Variants in CDK13 observed in about 807,000 individuals in gnomAD.
CDK13 encodes the protein cyclin dependent kinase 13.
In CDK13, 40 loss-of-function variants were observed where a neutral mutation model predicts 137.6. That is an observed-to-expected ratio of 0.29 (90% CI 0.23 to 0.38). CDK13 has a LOEUF of 0.38. Ranked by LOEUF, CDK13 falls within the 10% of genes least tolerant of loss-of-function variation. CDK13 has a pLI of 1.00. For synonymous variants in CDK13, 869 were observed against 760.1 expected (o/e 1.14, Z -2.36); for missense variants, 1,704 against 1,951.8 (o/e 0.87, Z 2.39).
At chr7:40,054,234 T>C (rs1562751661) in intron 7 of CDK13, among the ~76,000 whole-genome samples, 1 of 152,214 alleles carries the variant, frequency 6.6e-6, no homozygotes, top group Non-Finnish European at 1.5e-5. Flanking sequence ...GTAGGTTTAA[T>C]CTTCCAGCAG....
chr7:39,987,155 A>AGACTCTACTTATTGCCC (rs1784358086), intron 1 of CDK13: 1 of 153,022 alleles, frequency 6.5e-6, no homozygotes, highest in Non-Finnish European at 1.5e-5. Flanking sequence ...GCCCAGTAGT[A>AGACTCTACTTATTGCCC]AGTCTTGTCT....
intron 5 of CDK13, among the ~76,000 whole-genome samples, chr7:40,011,050 T>C (rs193279431): frequency 2.6e-5 from 4 of 152,302 alleles, no homozygotes; most frequent in Middle Eastern, 3.4e-3. Flanking sequence ...AATTCAGTAT[T>C]ATTAAGATGG....
At chr7:39,951,938 G>GTGT in intron 1 of CDK13, 86 bp downstream of exon 1, 1 of 1,271,540 alleles carries the variant, frequency 7.9e-7, no homozygotes, top group Non-Finnish European at 1.0e-6. Context: ...CGGGTCCTCA[G>GTGT]AACGACTCAG....
At chr7:40,033,003 G>A (rs1258114456) in intron 5 of CDK13, among the ~76,000 whole-genome samples, 1 of 152,148 alleles carries the variant, frequency 6.6e-6, no homozygotes, top group Admixed American at 6.5e-5. Context: ...TTGACAGTGT[G>A]GAGTCTGTCT....
At chr7:39,964,878 T>C (rs1423823483) in intron 1 of CDK13, among the ~76,000 whole-genome samples, 3 of 152,226 alleles carry the variant, frequency 2.0e-5, no homozygotes, top group African/African-American at 4.8e-5. Context: ...CATTTCGTTA[T>C]GTATCCAGTA....
chr7:40,066,753 CAA>C (rs1786288669), intron 9 of CDK13: 1 of 152,128 alleles, frequency 6.6e-6, no homozygotes, highest in Non-Finnish European at 1.5e-5. Context: ...GTGGTTTGTA[CAA>C]GAGAGCTAAT....
chr7:40,020,711 G>A (rs1785098811), intron 5 of CDK13, among the ~76,000 whole-genome samples: 2 of 152,132 alleles, frequency 1.3e-5, no homozygotes, highest in Admixed American at 6.5e-5. Flanking sequence ...TGCTTTTAAT[G>A]GTAATATTAT....
At chr7:39,984,563 G>A (rs984151095) in intron 1 of CDK13, 1 of 152,096 alleles carries the variant, frequency 6.6e-6, no homozygotes, top group African/African-American at 2.4e-5. Flanking sequence ...ATGCATATTA[G>A]TCATGTCAGG....
At chr7:40,021,150 C>CAT (rs1230612942) in intron 5 of CDK13, among the ~76,000 whole-genome samples, 6 of 150,562 alleles carry the variant, frequency 4.0e-5, no homozygotes, top group South Asian at 4.2e-4. Context: ...CACACACACA[C>CAT]ATAAAGTTTT....
At chr7:40,060,565 G>T (rs995803564) in intron 7 of CDK13, among the ~76,000 whole-genome samples, 3 of 152,114 alleles carry the variant, frequency 2.0e-5, no homozygotes, top group Admixed American at 6.6e-5. Context: ...TGTGTGTGGG[G>T]TTCATAATAA....
intron 7 of CDK13, chr7:40,048,138 AC>A: frequency 3.2e-6 from 1 of 312,018 alleles, no homozygotes; most frequent in Non-Finnish European, 5.8e-6. Flanking sequence ...ACTGAAGTGA[AC>A]TTAAATTTCT....
chr7:39,969,755 A>G (rs910589622), intron 1 of CDK13, among the ~76,000 whole-genome samples: 9 of 152,018 alleles, frequency 5.9e-5, no homozygotes, highest in Admixed American at 3.3e-4. Context: ...GCAATTCCCT[A>G]ATGATAAGTA....
intron 5 of CDK13, among the ~76,000 whole-genome samples, chr7:40,024,259 C>CA (rs985463593): frequency 1.3e-5 from 2 of 151,912 alleles, no homozygotes; most frequent in Admixed American, 6.6e-5. Flanking sequence ...TGTATTAAAA[C>CA]AAAAAAACCC....
chr7:40,093,398 C>A (rs752861751), intron 13 of CDK13, among the ~76,000 whole-genome samples, 161 bp downstream of exon 13: 2 of 152,240 alleles, frequency 1.3e-5, no homozygotes, highest in South Asian at 2.1e-4. Flanking sequence ...TGTTTACTTC[C>A]AGGAATGGAT....
At chr7:39,997,910 A>G (rs1784597690) in intron 3 of CDK13, 1 of 380,270 alleles carries the variant, frequency 2.6e-6, no homozygotes, top group African/African-American at 2.2e-5. Flanking sequence ...GGGGTATTGT[A>G]TATGTTAAAG....
intron 5 of CDK13, among the ~76,000 whole-genome samples, chr7:40,014,291 A>G (rs1784957971): frequency 6.6e-6 from 1 of 150,554 alleles, no homozygotes; most frequent in Admixed American, 6.6e-5. Context: ...CTGGTCTCGA[A>G]CTCCTGACCT....
chr7:40,031,806 C>T (rs925224919), intron 5 of CDK13, among the ~76,000 whole-genome samples: 9 of 144,172 alleles, frequency 6.2e-5, no homozygotes, highest in East Asian at 2.1e-4. Flanking sequence ...CCACCAAGCT[C>T]GGCTAATTTA....
chr7:40,093,369 A>G lies in CDK13; in HGVS notation c.3688+132A>G, dbSNP rs1786970033. The G allele has an allele frequency of 2.3e-5, 17 of 729,892 alleles. No homozygotes were observed. In the South Asian group the frequency reaches 3.2e-4, roughly 14 times the overall value. The allele number at this position is 729,892 out of a possible 1,614,324, so 45.2% of individuals were successfully genotyped here. The stretch of plus-strand genomic sequence containing the variant: ...CCTGAAGAATCTCAGGTAACTGGCA[A>G]TAGGTTGGTTTTTCAGTCTGTTTAC... On this transcript the variant is annotated intron_variant, in intron 13 of 13. Transcript: ENST00000181839.
In CDK13 at chr7:40,095,223, T is replaced by G; in HGVS notation, c.*243T>G. 1 of 294,968 alleles carries G rather than the reference T, an allele frequency of 3.4e-6. No individual in the cohort carries two copies. Among genetic ancestry groups the G allele is most frequent in the African/African-American group, 2.2e-5 (1 of 46,470 alleles). The allele number at this position is 294,968 out of a possible 1,614,324, so 18.3% of individuals were successfully genotyped here. ...AATTCTAGTTAACAATTTTATTTTG[T>G]ATTCTTGCAGTTTTAAGTGGATGCT... On this transcript the variant is annotated 3_prime_UTR_variant, in exon 14 of 14. Transcript: ENST00000181839.
Sources: gnomAD v4.1 joint callset for allele counts (sites outside exome capture counted in the v4.1 genomes callset) on GRCh38, gnomAD v4.1.1 for gene constraint, MANE v1.5 for transcripts, NCBI Gene and HGNC (gene_info 2026-07-23, HGNC 2026-07-21) for gene names.